The following ARID3A variants were observed in gnomAD, a reference collection of about 807,000 sequenced individuals.
ARID3A encodes the protein AT-rich interaction domain 3A.
ARID3A carries 11 observed loss-of-function variants against 52.7 expected under a neutral mutation model. The observed-to-expected ratio is 0.21, with a 90% CI of 0.13 to 0.35. ARID3A has a LOEUF of 0.35. Among genes scored for constraint, ARID3A ranks in the 10% least tolerant of loss-of-function variants. The probability of loss-of-function intolerance (pLI) is 1.00; values close to 1 mark genes in which losing one functional copy is unlikely to be tolerated. For synonymous variants in ARID3A, 404 were observed against 359.4 expected (o/e 1.12, Z -1.40); for missense variants, 721 against 838.5 (o/e 0.86, Z 1.73).
chr19:965,559 C>T (rs1049480654), intron 6 of ARID3A, among the ~76,000 whole-genome samples: 1 of 150,676 alleles, frequency 6.6e-6, no homozygotes, highest in African/African-American at 2.4e-5. Context: ...CTGGGCGTGG[C>T]AACGTGCACC....
rs1226601752 is a variant in ARID3A, at chr19:932,630, G to A, written c.581G>A (p.Gly194Asp). 1 of 1,535,616 alleles carries A rather than the reference G, an allele frequency of 6.5e-7. No individual in the cohort carries two copies. Among genetic ancestry groups the A allele is most frequent in the Admixed American group, 2.1e-5 (1 of 48,038 alleles). The part of the protein sequence containing the change: ...RGDGVPRVLG[G>D]QERPGPGPAH... The stretch of plus-strand genomic sequence containing the variant: ...GATGGCGTTCCCAGGGTGCTGGGGG[G>A]CCAGGAGCGGCCGGGGCCTGGCCCT... The change falls in exon 3 of 9, where the codon GGC (glycine) becomes GAC (aspartate). Residue 194 changes from glycine (G) to aspartate (D), a missense_variant. By Grantham distance (94) the Gly-to-Asp change is moderately conservative. Around this residue, in one of 5 missense-constraint regions of ARID3A, gnomAD observed 349 missense variants for 297.3 expected, o/e 1.17. Coordinates refer to ENST00000263620, the MANE Select transcript of ARID3A (RefSeq NM_005224.3).
intron 3 of ARID3A, among the ~76,000 whole-genome samples, chr19:937,341 G>C (rs1207976575): frequency 6.6e-6 from 1 of 152,196 alleles, no homozygotes; most frequent in Non-Finnish European, 1.5e-5. Context: ...CACTGAGCGT[G>C]ACGTCCTCCA....
intron 3 of ARID3A, among the ~76,000 whole-genome samples, chr19:940,655 G>T (rs979780562): frequency 6.6e-6 from 1 of 152,188 alleles, no homozygotes; most frequent in Admixed American, 6.5e-5. Context: ...CCAGAGGTCA[G>T]GCAGCAGGTT....
At chr19:927,566 G>T (rs1029343919) in intron 1 of ARID3A, among the ~76,000 whole-genome samples, 1 of 151,910 alleles carries the variant, frequency 6.6e-6, no homozygotes, top group Non-Finnish European at 1.5e-5. Context: ...CCCCAAAGAG[G>T]GGGGGCTTTG....
intron 8 of ARID3A, 21 bp from the exon 9 acceptor site, chr19:971,857 T>C (rs1599432880): frequency 1.3e-6 from 2 of 1,589,372 alleles, no homozygotes; most frequent in Non-Finnish European, 1.7e-6. Flanking sequence ...GCATGGCATA[T>C]GTCTTCTGTT....
Position 965,771 on chromosome 19 carries a change from C to T in ARID3A, c.1198+691C>T, listed in dbSNP as rs181350725. On this transcript the variant is annotated intron_variant, in intron 6 of 8. Coordinates refer to ENST00000263620, the MANE Select transcript of ARID3A (RefSeq NM_005224.3). The stretch of plus-strand genomic sequence containing the variant: ...CTTTGGGAGGCTGAGGCAGGCGGAT[C>T]GCTTGAGGTCAGAAGTTTGAGACCA... Among the ~76,000 whole-genome samples, 283 of 151,956 alleles carry T rather than the reference C, an allele frequency of 1.9e-3. 3 individuals are homozygous for T. The highest frequency in any genetic ancestry group is 6.3e-3 in the African/African-American group (262 of 41,442).
chr19:941,864 C>T lies in ARID3A; in HGVS notation c.693+9122C>T. Among the ~76,000 whole-genome samples, 1 of 151,456 alleles carries T rather than the reference C, an allele frequency of 6.6e-6. No homozygotes were observed. On this transcript the variant is annotated intron_variant, in intron 3 of 8. Transcript: ENST00000263620. The surrounding 1 kb of genome is among the most constrained non-coding windows in gnomAD (Gnocchi z 6.9). The stretch of plus-strand genomic sequence containing the variant: ...CACGTCGAGGCTGGAGAGTGTGTGT[C>T]CAAAAGCGTGCCTGCTTGGGCTCGC...
chr19:946,148 C>T (rs1369421757), intron 3 of ARID3A, among the ~76,000 whole-genome samples: 8 of 152,140 alleles, frequency 5.3e-5, no homozygotes, highest in African/African-American at 1.4e-4. Context: ...CTGTACAGAA[C>T]GCCCCGGCCG....
rs1336333335 is a variant in ARID3A, at chr19:941,048, G to A, written c.693+8306G>A. On this transcript the variant is annotated intron_variant, in intron 3 of 8. Coordinates refer to ENST00000263620, the MANE Select transcript of ARID3A (RefSeq NM_005224.3). This position sits in a 1 kb window ranked among gnomAD's most constrained non-coding sequence, Gnocchi z 6.9. ...CGCCTGGCCGTCGGGTCACCGCCGC[G>A]GGGTCACCGCCGCCGCGGCCTGGCC... Among the ~76,000 whole-genome samples the A allele has an allele frequency of 1.3e-5, 2 of 152,008 alleles. No homozygotes were observed. The highest frequency in any genetic ancestry group is 4.8e-5 in the African/African-American group (2 of 41,398).
chr19:959,549 G>T lies in ARID3A; in HGVS notation c.694-543G>T, dbSNP rs760220449. ...GCCTCCCAAGGTGCTGGGATTACAG[G>T]TGTGAGCCGCCACCCTGAAGAGAAG... On this transcript the variant is annotated intron_variant, in intron 3 of 8. Coordinates refer to ENST00000263620, the MANE Select transcript of ARID3A (RefSeq NM_005224.3). This position sits in a 1 kb window ranked among gnomAD's most constrained non-coding sequence, Gnocchi z 5.0. Among the ~76,000 whole-genome samples the T allele has an allele frequency of 2.0e-5, 3 of 152,182 alleles. No homozygotes were observed. The highest frequency in any genetic ancestry group is 4.4e-5 in the Non-Finnish European group (3 of 68,032).
chr19:953,234 C>T (rs972062548), intron 3 of ARID3A, among the ~76,000 whole-genome samples: 7 of 152,148 alleles, frequency 4.6e-5, no homozygotes, highest in Admixed American at 1.3e-4. Context: ...CTGACCCCCT[C>T]GGAGCTGTCG....
chr19:971,934 GGCGGC>G lies in ARID3A; in HGVS notation c.1653_1657del (p.Gly552ArgfsTer37). The G allele has an allele frequency of 5.7e-6, 8 of 1,401,212 alleles. No homozygotes were observed. The highest frequency in any genetic ancestry group is 7.9e-6 in the Non-Finnish European group (8 of 1,010,324). The allele number at this position is 1,401,212 out of a possible 1,614,324, so 86.8% of individuals were successfully genotyped here. On this transcript the variant is annotated frameshift_variant, in exon 9 of 9. Coordinates refer to ENST00000263620, the MANE Select transcript of ARID3A (RefSeq NM_005224.3). LOFTEE classifies it low-confidence loss of function (END_TRUNC). ...GCCAACCTCTGCTCCCAACAAAGGA[GGCGGC>G]GGCGGCGGCGGCAGCAGCAGCAACG...
At chr19:965,241 A>AGAG in intron 6 of ARID3A, 161 bp downstream of exon 6, 7 of 795,368 alleles carry the variant, frequency 8.8e-6, no homozygotes, top group Non-Finnish European at 1.3e-5. Context: ...TGCCTATGGC[A>AGAG]GACATTACCA....
Position 960,069 on chromosome 19 carries a change from C to CGGTT in ARID3A, c.694-23_694-22insGGTT. The CGGTT allele has an allele frequency of 6.2e-7, 1 of 1,605,978 alleles. No homozygotes were observed. Among genetic ancestry groups the CGGTT allele is most frequent in the Non-Finnish European group, 8.5e-7 (1 of 1,174,564 alleles). ...CACCTGAGCTCTGGCACCAACTAAC[C>CGGTT]CATCCCCTCTCCACCCTCACAGCTC... On this transcript the variant is annotated intron_variant, in intron 3 of 8. Coordinates refer to ENST00000263620, the MANE Select transcript of ARID3A (RefSeq NM_005224.3). This position sits in a 1 kb window ranked among gnomAD's most constrained non-coding sequence, Gnocchi z 4.3.
intron 3 of ARID3A, among the ~76,000 whole-genome samples, chr19:957,102 G>A (rs975544435): frequency 3.8e-5 from 2 of 52,764 alleles, no homozygotes; most frequent in South Asian, 6.6e-4. Context: ...CTGCCCGCCC[G>A]AACCTGTGGG....
In ARID3A at chr19:974,466, G is replaced by A. The variant is rs911096152; in HGVS notation, c.*2401G>A. On this transcript the variant is annotated 3_prime_UTR_variant, in exon 9 of 9. Coordinates refer to ENST00000263620, the MANE Select transcript of ARID3A (RefSeq NM_005224.3). Reference sequence around the variant, plus strand: ...CCCCGGCCTCCAGGGCTCCTCTCCCGGGACCCCCGTCCCACGCCTGGGCCC... The same window carrying A: ...CCCCGGCCTCCAGGGCTCCTCTCCCAGGACCCCCGTCCCACGCCTGGGCCC... 25 of 230,856 alleles carry A rather than the reference G, an allele frequency of 1.1e-4. No individual in the cohort carries two copies. The highest frequency in any genetic ancestry group is 3.5e-4 in the African/African-American group (16 of 45,264). The allele number at this position is 230,856 out of a possible 1,614,324, so 14.3% of individuals were successfully genotyped here.
At chr19:961,654 C>A (rs2038044760) in intron 4 of ARID3A, 1 of 152,514 alleles carries the variant, frequency 6.6e-6, no homozygotes, top group African/African-American at 2.4e-5. Context: ...CATGGTGGCT[C>A]ACACCTGTAA....
chr19:948,892 A>G (rs2037743450), intron 3 of ARID3A, among the ~76,000 whole-genome samples: 1 of 151,944 alleles, frequency 6.6e-6, no homozygotes, highest in South Asian at 2.1e-4. Flanking sequence ...GTATTTTAGT[A>G]GAGACAGGGT....
intron 3 of ARID3A, among the ~76,000 whole-genome samples, chr19:948,615 C>T (rs1162562285): frequency 1.3e-5 from 2 of 151,964 alleles, no homozygotes; most frequent in South Asian, 2.1e-4. Flanking sequence ...CGTCTTCATT[C>T]CTTCTTCATT....
Sources: gnomAD v4.1 joint callset for allele counts (sites outside exome capture counted in the v4.1 genomes callset) on GRCh38, gnomAD v4.1.1 for gene constraint, gnomAD v4.1.1 regional missense constraint, Gnocchi (gnomAD v3.1) non-coding constraint, MANE v1.5 for transcripts, NCBI Gene and HGNC (gene_info 2026-07-23, HGNC 2026-07-21) for gene names.